The following MTFR2 variants were observed in gnomAD, a reference collection of about 807,000 sequenced individuals.
MTFR2 encodes the protein mitochondrial fission regulator 2.
MTFR2 carries 44 observed loss-of-function variants against 41.2 expected under a neutral mutation model. The ratio of observed to expected loss-of-function variants is 1.07; its 90% CI spans 0.84 to 1.37. The LOEUF (loss-of-function observed/expected upper bound fraction) is 1.37. Among genes scored for constraint, MTFR2 ranks in the 40% most tolerant of loss-of-function variants. The pLI, the probability that MTFR2 is intolerant of heterozygous loss-of-function variation, is 0.00. For synonymous variants in MTFR2, 141 were observed against 154.6 expected (o/e 0.91, Z 0.65); for missense variants, 452 against 459.5 (o/e 0.98, Z 0.15).
At chr6:136,235,212 C>A (rs114424491) in intron 6 of MTFR2, among the ~76,000 whole-genome samples, 1 of 139,136 alleles carries the variant, frequency 7.2e-6, no homozygotes, top group Non-Finnish European at 1.5e-5. Flanking sequence ...CTTAAGCAAC[C>A]GGGTGATCGT....
intron 7 of MTFR2, among the ~76,000 whole-genome samples, chr6:136,231,724 G>C (rs1378526279): frequency 1.4e-5 from 2 of 147,574 alleles, no homozygotes; most frequent in East Asian, 3.9e-4. Flanking sequence ...TAATTGGCTG[G>C]AAAAAGTGCT....
intron 7 of MTFR2, among the ~76,000 whole-genome samples, chr6:136,231,898 C>G (rs576402295): frequency 6.6e-6 from 1 of 152,202 alleles, no homozygotes; most frequent in Admixed American, 6.5e-5. Context: ...GTTCTAGTCT[C>G]TGCTCTGCCC....
At chr6:136,245,978 G>A (rs1780202314) in intron 2 of MTFR2, among the ~76,000 whole-genome samples, 1 of 152,136 alleles carries the variant, frequency 6.6e-6, no homozygotes. Context: ...GCACAGCCTA[G>A]AGGATATAGA....
At chr6:136,249,744 A>G (rs569848971) in intron 1 of MTFR2, among the ~76,000 whole-genome samples, 2 of 152,294 alleles carry the variant, frequency 1.3e-5, no homozygotes, top group African/African-American at 2.4e-5. Flanking sequence ...GCCACCATGT[A>G]AAATGTGACT....
At position 136,242,942 on chromosome 6, in the gene MTFR2, T is replaced by A. The variant is rs139025577; in HGVS notation, c.200A>T (p.Asp67Val). ...AGATGGAACCATAGATCCACAATTA[T>A]CAGAGTCTACAGAGTTCAAGAGCGG... ...LIPLLNSVDS[D>V]NCGSMVPSFA... Residue 67 changes from aspartate to valine, a missense_variant, in exon 4 of 8, where the codon GAT becomes GTT. Physicochemically the swap from Asp to Val is radical, Grantham distance 152 (BLOSUM62 -3). Transcript: ENST00000420702. 1.6e-5 allele frequency: 25 copies of A among 1,612,580 alleles called. No homozygotes were observed. The African/African-American group carries it at 3.2e-4, about 21-fold the overall frequency.
At chr6:136,234,934 G>C (rs1174374329) in intron 6 of MTFR2, among the ~76,000 whole-genome samples, 1 of 152,316 alleles carries the variant, frequency 6.6e-6, no homozygotes, top group African/African-American at 2.4e-5. Context: ...GTCTCGCTTT[G>C]TCACCAAGGC....
At chr6:136,237,600 A>G (rs1209697476) in intron 6 of MTFR2, among the ~76,000 whole-genome samples, 1 of 152,138 alleles carries the variant, frequency 6.6e-6, no homozygotes, top group Non-Finnish European at 1.5e-5. Flanking sequence ...TCACAAGGTC[A>G]GGAGTTCATG....
intron 2 of MTFR2, among the ~76,000 whole-genome samples, chr6:136,245,516 AC>A (rs1456719760): frequency 6.6e-6 from 1 of 152,146 alleles, no homozygotes; most frequent in Non-Finnish European, 1.5e-5. Flanking sequence ...ACTCTCCCCC[AC>A]CAGCCAAAAG....
chr6:136,239,428 C>T, intron 6 of MTFR2, 38 bp downstream of exon 6: 1 of 1,486,036 alleles, frequency 6.7e-7, no homozygotes, highest in Non-Finnish European at 9.1e-7. Flanking sequence ...ATAAAATTGA[C>T]AAAATTTCAG....
chr6:136,248,989 C>G (rs1380341094), intron 2 of MTFR2, 48 bp downstream of exon 2: 1 of 1,516,238 alleles, frequency 6.6e-7, no homozygotes, highest in East Asian at 2.3e-5. Context: ...CAAAATGAAA[C>G]CCAAGAACAA....
intron 5 of MTFR2, among the ~76,000 whole-genome samples, chr6:136,240,993 A>C (rs2128458373): frequency 1.3e-5 from 2 of 151,854 alleles, no homozygotes; most frequent in South Asian, 4.2e-4. Flanking sequence ...CGAGAGGCTG[A>C]GGCAGGAGAA....
intron 6 of MTFR2, among the ~76,000 whole-genome samples, chr6:136,237,041 C>T (rs1779925252): frequency 6.6e-6 from 1 of 152,178 alleles, no homozygotes; most frequent in South Asian, 2.1e-4. Context: ...CTAAATAAGA[C>T]ACTTCTCTCT....
intron 2 of MTFR2, 29 bp downstream of exon 2, chr6:136,249,008 G>A (rs374179648): frequency 7.4e-5 from 116 of 1,573,694 alleles, no homozygotes; most frequent in African/African-American, 5.3e-4. Context: ...AAATACAACA[G>A]ATCCATTCCA....
At chr6:136,241,756 G>T in intron 4 of MTFR2, 80 bp from the exon 5 acceptor site, 4 of 1,066,774 alleles carry the variant, frequency 3.7e-6, no homozygotes, top group Non-Finnish European at 2.7e-6. Flanking sequence ...ACTCCTACGT[G>T]AAAATCAAAA....
chr6:136,236,371 G>A (rs902108309), intron 6 of MTFR2, among the ~76,000 whole-genome samples: 4 of 152,218 alleles, frequency 2.6e-5, no homozygotes, highest in Non-Finnish European at 5.9e-5. Context: ...ATGGAAGGCA[G>A]AGAATCTGCA....
At position 136,242,099 on chromosome 6, in the gene MTFR2, A is replaced by C. The variant is rs890690220; in HGVS notation, c.282-423T>G. Among the ~76,000 whole-genome samples, 211 of 150,622 alleles carry C rather than the reference A, an allele frequency of 1.4e-3. 1 individual carries two copies. Among genetic ancestry groups the C allele is most frequent in the African/African-American group, 4.9e-3 (203 of 41,220 alleles). ...TGTCTCAAAAAAAAAAAAAAAAAAA[A>C]AAAAAAAAACCTACTCTCTATCCCC... On this transcript the variant is annotated intron_variant, in intron 4 of 7. Coordinates refer to ENST00000420702, the MANE Select transcript of MTFR2 (RefSeq NM_001099286.3).
chr6:136,232,478 C>T (rs989552107), intron 7 of MTFR2, among the ~76,000 whole-genome samples: 1 of 152,118 alleles, frequency 6.6e-6, no homozygotes, highest in Non-Finnish European at 1.5e-5. Context: ...AGGCTGGTCT[C>T]GAACTCCTGA....
In MTFR2 at chr6:136,249,031, A is replaced by G. The variant is rs1780290664; in HGVS notation, c.63+6T>C. 2.5e-6 allele frequency: 4 copies of G among 1,598,366 alleles called. No homozygotes were observed. The highest frequency in any genetic ancestry group is 1.4e-5 in the African/African-American group (1 of 73,870). On this transcript the variant is annotated splice_donor_region_variant and intron_variant, in intron 2 of 7. Transcript: ENST00000420702. The stretch of plus-strand genomic sequence containing the variant: ...CAGATCCATTCCAATCCAAAACGAC[A>G]TTTACCTGTTCTACAGGAACGCCAA...
chr6:136,236,452 G>A (rs1035567437), intron 6 of MTFR2, among the ~76,000 whole-genome samples: 3 of 152,212 alleles, frequency 2.0e-5, no homozygotes, highest in African/African-American at 7.2e-5. Flanking sequence ...AACAAAGTTA[G>A]CTGTAGAGGC....
Sources: gnomAD v4.1 joint callset for allele counts (sites outside exome capture counted in the v4.1 genomes callset) on GRCh38, gnomAD v4.1.1 for gene constraint, MANE v1.5 for transcripts, NCBI Gene and HGNC (gene_info 2026-07-23, HGNC 2026-07-21) for gene names.